The following CDH2 variants were observed in gnomAD, a reference collection of about 807,000 sequenced individuals.
The protein encoded by CDH2 is cadherin 2, also known as cadherin-2.
Under a neutral mutation model 92.0 loss-of-function variants are expected in CDH2, and 17 were observed. The observed-to-expected ratio is 0.18, with a 90% CI of 0.13 to 0.28. The LOEUF is 0.28. CDH2 is among the 10% of genes least tolerant of loss of function. The probability of loss-of-function intolerance (pLI) is 1.00; values close to 1 mark genes in which losing one functional copy is unlikely to be tolerated. For missense variants in CDH2, 862 were observed against 1,133.1 expected (o/e 0.76, Z 3.44); for synonymous variants, 419 against 415.9 (o/e 1.01, Z -0.09).
intron 1 of CDH2, among the ~76,000 whole-genome samples, chr18:28,175,871 C>T (rs370557692): frequency 8.5e-5 from 13 of 152,346 alleles, no homozygotes; most frequent in African/African-American, 2.9e-4. Flanking sequence ...CTTCGAGGGA[C>T]CCCACGGCAG....
intron 14 of CDH2, among the ~76,000 whole-genome samples, chr18:27,977,515 G>C (rs964938156): frequency 6.6e-6 from 1 of 152,124 alleles, no homozygotes; most frequent in Non-Finnish European, 1.5e-5. Flanking sequence ...AGACTACTTT[G>C]CTTTGTTTTC....
intron 2 of CDH2, among the ~76,000 whole-genome samples, chr18:28,120,428 G>T (rs2015567942): frequency 6.6e-6 from 1 of 151,916 alleles, no homozygotes; most frequent in Non-Finnish European, 1.5e-5. Context: ...ATCACAGGAT[G>T]TTCAATAATA....
In CDH2 at chr18:28,122,540, C is replaced by T. The variant is rs554172455; in HGVS notation, c.172+25133G>A. On this transcript the variant is annotated intron_variant, in intron 2 of 15. Coordinates refer to ENST00000269141, the MANE Select transcript of CDH2 (RefSeq NM_001792.5). ...TTTTCATTTTATTAATTATTGGACT[C>T]CATGGTAAAGAGTGGGGTGGTGCTA... Among the ~76,000 whole-genome samples, 13 of 152,226 alleles carry T rather than the reference C, an allele frequency of 8.5e-5. No homozygotes were observed. In the East Asian group the frequency reaches 2.5e-3, roughly 29 times the overall value.
At chr18:28,079,870 T>C (rs2014794753) in intron 2 of CDH2, among the ~76,000 whole-genome samples, 1 of 152,208 alleles carries the variant, frequency 6.6e-6, no homozygotes, top group Non-Finnish European at 1.5e-5. Flanking sequence ...CTGATTTTTT[T>C]AGAAATGGCC....
At chr18:27,955,761 G>GATTTTTTTTTTTTT (rs2011229791) in intron 15 of CDH2, among the ~76,000 whole-genome samples, 1 of 111,716 alleles carries the variant, frequency 9.0e-6, no homozygotes, top group African/African-American at 3.6e-5. Context: ...CTTTATTTCT[G>GATTTTTTTTTTTTT]TTTTTTTTTT....
intron 2 of CDH2, among the ~76,000 whole-genome samples, chr18:28,090,673 C>G (rs1251761026): frequency 6.6e-6 from 1 of 152,154 alleles, no homozygotes; most frequent in Non-Finnish European, 1.5e-5. Flanking sequence ...GCTATAAATG[C>G]TCTCCCTTTC....
chr18:27,944,755 A>T (rs72894851), intron 6 of CDH2, among the ~76,000 whole-genome samples: 115 of 26,026 alleles, frequency 4.4e-3, no homozygotes, highest in Middle Eastern at 0.042. Flanking sequence ...CTTCCTTTCT[A>T]AAAAAAAAAA....
rs2014204590 is a variant in CDH2, at chr18:28,052,140, A to G, written c.173-38231T>C. Among the ~76,000 whole-genome samples, 5 of 152,192 alleles carry G rather than the reference A, an allele frequency of 3.3e-5. No homozygotes were observed. The South Asian group carries it at 1.0e-3, about 31-fold the overall frequency. ...AAGCAAGCTTGTATATTTTACAAAG[A>G]CAATTCTTTGTATTTCCCAGCTCTA... is the stretch of plus-strand genomic sequence containing the variant. On this transcript the variant is annotated intron_variant, in intron 2 of 15. Transcript: ENST00000269141.
At chr18:27,968,670 C>T (rs2011585969) in intron 14 of CDH2, among the ~76,000 whole-genome samples, 1 of 152,202 alleles carries the variant, frequency 6.6e-6, no homozygotes, top group South Asian at 2.1e-4. Context: ...TTTGCTATCT[C>T]TTAGGCATGG....
chr18:27,997,250 G>T (rs2012613179), intron 7 of CDH2, among the ~76,000 whole-genome samples: 1 of 152,202 alleles, frequency 6.6e-6, no homozygotes, highest in African/African-American at 2.4e-5. Context: ...ATCAGTGAAT[G>T]AGGAGGTGAG....
At chr18:27,965,287 G>C (rs17445662) in intron 14 of CDH2, among the ~76,000 whole-genome samples, 8,492 of 152,262 alleles carry the variant, frequency 0.056, 265 homozygotes, top group African/African-American at 0.083. Flanking sequence ...GCAGGTGAAG[G>C]CACTCACATA....
downstream of CDH2, among the ~76,000 whole-genome samples, chr18:27,950,237 G>A (rs896444581): frequency 6.6e-6 from 1 of 152,048 alleles, no homozygotes; most frequent in Non-Finnish European, 1.5e-5. Context: ...TATAGTTAGA[G>A]GAGGTATATT....
At chr18:28,018,438 A>C (rs1453094692) in intron 2 of CDH2, among the ~76,000 whole-genome samples, 1 of 152,172 alleles carries the variant, frequency 6.6e-6, no homozygotes, top group Non-Finnish European at 1.5e-5. Flanking sequence ...AGCCAAAGCA[A>C]GACTAAGCAA....
chr18:28,011,614 C>G (rs2013101721), intron 4 of CDH2, among the ~76,000 whole-genome samples: 1 of 152,124 alleles, frequency 6.6e-6, no homozygotes, highest in South Asian at 2.1e-4. Flanking sequence ...AACAAGCTTT[C>G]TAATCCACAG....
chr18:28,043,167 A>G (rs935568504), intron 2 of CDH2, among the ~76,000 whole-genome samples: 1 of 152,150 alleles, frequency 6.6e-6, no homozygotes. Context: ...ATGGAGCTGG[A>G]GGCCATTATT....
At chr18:27,940,955 T>C (rs1909121107) in intron 6 of CDH2, among the ~76,000 whole-genome samples, 2 of 152,066 alleles carry the variant, frequency 1.3e-5, no homozygotes, top group African/African-American at 2.4e-5. Context: ...CAGTACATTC[T>C]GAGATAGCTA....
At chr18:27,968,667 T>A (rs1490589480) in intron 14 of CDH2, among the ~76,000 whole-genome samples, 3 of 152,222 alleles carry the variant, frequency 2.0e-5, no homozygotes, top group Non-Finnish European at 4.4e-5. Context: ...AGTTTTGCTA[T>A]CTCTTAGGCA....
chr18:28,065,885 A>C (rs1357406672), intron 2 of CDH2, among the ~76,000 whole-genome samples: 1 of 152,202 alleles, frequency 6.6e-6, no homozygotes. Flanking sequence ...GGTTCTAAGA[A>C]GACCACAACA....
intron 15 of CDH2, among the ~76,000 whole-genome samples, chr18:27,963,138 AT>A (rs1292773499): frequency 6.6e-6 from 1 of 152,220 alleles, no homozygotes; most frequent in East Asian, 1.9e-4. Flanking sequence ...CATTTTACAA[AT>A]GCAGAATCTT....
Sources: allele counts gnomAD v4.1 joint callset (sites outside exome capture counted in the v4.1 genomes callset), GRCh38; gene constraint gnomAD v4.1.1; transcripts MANE v1.5; gene names NCBI Gene and HGNC (gene_info 2026-07-23, HGNC 2026-07-21).